ZNF34: variants seen among roughly 807,000 people sequenced by gnomAD.
ZNF34 encodes zinc finger protein 34 (KOX 32).
A neutral mutation model predicts 14.4 loss-of-function variants in ZNF34; 8 were observed. The observed-to-expected ratio is 0.55, with a 90% CI of 0.33 to 1.00. ZNF34 has a LOEUF of 1.00. Among genes scored for constraint, ZNF34 ranks in the 50% least tolerant of loss-of-function variants. The pLI is 0.03. For synonymous variants in ZNF34, 235 were observed against 247.9 expected (o/e 0.95, Z 0.49); for missense variants, 538 against 674.2 (o/e 0.80, Z 2.24).
In ZNF34 at chr8:144,774,707, C is replaced by T. The variant is rs1178086840; in HGVS notation, c.281-102G>A. 4 of 1,401,864 alleles carry T rather than the reference C, an allele frequency of 2.9e-6. No homozygotes were observed. The African/African-American group carries it at 5.8e-5, about 20-fold the overall frequency. The allele number at this position is 1,401,864 out of a possible 1,614,324, so 86.8% of individuals were successfully genotyped here. ...TGTGGGGAACCAATTTGATCATCTC[C>T]AAAGTCCCAACAGCCTTGCAAAGAT... is the stretch of plus-strand genomic sequence containing the variant. On this transcript the variant is annotated intron_variant, in intron 5 of 5. Transcript: ENST00000429371.
Position 144,778,537 on chromosome 8 carries a change from G to T in ZNF34, c.-54-12C>A. 6.4e-7 allele frequency: 1 copy of T among 1,550,958 alleles called. No homozygotes were observed. The highest frequency in any genetic ancestry group is 1.2e-5 in the South Asian group (1 of 82,394). On this transcript the variant is annotated splice_polypyrimidine_tract_variant and intron_variant, in intron 2 of 5. Transcript: ENST00000429371. Reference sequence around the variant, plus strand: ...TGGTCACTGAGGAGCTGAGGGAAGAGAACGCAACAAGTGGAGGCCCAGTCT... The same window carrying T: ...TGGTCACTGAGGAGCTGAGGGAAGATAACGCAACAAGTGGAGGCCCAGTCT...
Position 144,774,401 on chromosome 8 carries a change from C to T in ZNF34, c.485G>A (p.Arg162Lys), listed in dbSNP as rs1172237291. Residue 162 changes from arginine to lysine, a missense_variant, in exon 6 of 6, where the codon AGG becomes AAG. By Grantham distance (26) the Arg-to-Lys change is conservative (BLOSUM62 2). This residue lies in a region of ZNF34 where 431 missense variants were observed against 525.7 expected (regional missense o/e 0.82). Coordinates refer to ENST00000429371, the MANE Select transcript of ZNF34 (RefSeq NM_001286769.2). ...ATCAGGAACAGGTCTTGACAGCAAC[C>T]TGAGGTTTCCCCCAGACTCCCTGCT... ...ESSRESGGNL[R>K]LLSRPVPDQR... The T allele has an allele frequency of 2.5e-6, 4 of 1,613,774 alleles. No individual in the cohort carries two copies. The South Asian group carries it at 4.4e-5, about 18-fold the overall frequency.
chr8:144,777,466 T>C lies in ZNF34; in HGVS notation c.272A>G (p.Asn91Ser). The C allele has an allele frequency of 6.4e-7, 1 of 1,551,678 alleles. No homozygotes were observed. Among genetic ancestry groups the C allele is most frequent in the South Asian group, 1.2e-5 (1 of 84,050 alleles). The change falls in exon 5 of 6, where the codon AAC becomes AGC. Residue 91 changes from asparagine to serine, a missense_variant. Asn to Ser is a conservative substitution (Grantham distance 46, BLOSUM62 1). Transcript: ENST00000429371. This position sits in a 1 kb window ranked among gnomAD's most constrained non-coding sequence, Gnocchi z 4.8. Reference protein sequence around the residue: ...GTSGKEHLRVNSPALGTRTEY... With the variant: ...GTSGKEHLRVSSPALGTRTEY... ...CAGATCCCCTCACGCACCTGGGCTG[T>C]TGACTCTCAGGTGCTCTTTCCCAGA...
chr8:144,782,314 C>T (rs958391441), intron 1 of ZNF34, among the ~76,000 whole-genome samples: 7 of 142,114 alleles, frequency 4.9e-5, no homozygotes, highest in African/African-American at 2.1e-4. Flanking sequence ...GAGTGAGACT[C>T]CGACACAAAA....
At chr8:144,778,312 G>T in intron 3 of ZNF34, 127 bp downstream of exon 3, 1 of 1,369,728 alleles carries the variant, frequency 7.3e-7, no homozygotes, top group Non-Finnish European at 9.9e-7. Context: ...CCAAGGGGTG[G>T]CTGCATGGGG....
rs1451393698 is a variant in ZNF34 at position 144,779,654 on chromosome 8, C to T, written c.-55+574G>A. ...CAGATGGGGTTTTGCCCAGGCTGGTCTTGAACTCTTGAGCTCAAGCAATCC... is the reference window on the plus strand; with the variant it reads ...CAGATGGGGTTTTGCCCAGGCTGGTTTTGAACTCTTGAGCTCAAGCAATCC... On this transcript the variant is annotated intron_variant, in intron 2 of 5. Transcript: ENST00000429371. This position sits in a 1 kb window ranked among gnomAD's most constrained non-coding sequence, Gnocchi z 4.1. Among the ~76,000 whole-genome samples the T allele has an allele frequency of 1.3e-5, 2 of 152,070 alleles. No homozygotes were observed. The highest frequency in any genetic ancestry group is 2.9e-5 in the Non-Finnish European group (2 of 68,026).
In ZNF34 at chr8:144,777,593, G is replaced by C; in HGVS notation, c.161-16C>G. The C allele has an allele frequency of 4.5e-6, 7 of 1,550,958 alleles. No homozygotes were observed. Among genetic ancestry groups the C allele is most frequent in the Non-Finnish European group, 6.1e-6 (7 of 1,146,876 alleles). On this transcript the variant is annotated splice_polypyrimidine_tract_variant and intron_variant, in intron 4 of 5. Transcript: ENST00000429371. This position sits in a 1 kb window ranked among gnomAD's most constrained non-coding sequence, Gnocchi z 4.8. Reference sequence around the variant, plus strand: ...GGTCCTACTCCTGGGAAGGAGACAGGGACTGGGGTTGGTACCAAGGACACA... The same window carrying C: ...GGTCCTACTCCTGGGAAGGAGACAGCGACTGGGGTTGGTACCAAGGACACA...
rs1308202217 is a variant in ZNF34, at chr8:144,772,565, C to T, written c.*701G>A. 2.0e-5 allele frequency among the ~76,000 whole-genome samples: 3 copies of T among 152,126 alleles called. No homozygotes were observed. The highest frequency in any genetic ancestry group is 2.0e-4 in the Admixed American group (3 of 15,252). On this transcript the variant is annotated 3_prime_UTR_variant, in exon 6 of 6. Coordinates refer to ENST00000429371, the MANE Select transcript of ZNF34 (RefSeq NM_001286769.2). ...TTGTTTCATTTATTTTTTGAGACAG[C>T]GTCTCGCTCTGTCACCCAGGCTGGA...
intron 1 of ZNF34, among the ~76,000 whole-genome samples, chr8:144,781,550 C>G (rs954701304): frequency 1.3e-5 from 2 of 152,026 alleles, no homozygotes; most frequent in Non-Finnish European, 1.5e-5. Flanking sequence ...GCCACCATGA[C>G]CAGTCGAGAT....
Position 144,773,513 on chromosome 8 carries a change from T to G in ZNF34, c.1373A>C (p.Glu458Ala), listed in dbSNP as rs1269235815. The G allele has an allele frequency of 6.2e-7, 1 of 1,614,082 alleles. No individual in the cohort carries two copies. The highest frequency in any genetic ancestry group is 1.3e-5 in the African/African-American group (1 of 74,938). Reference protein sequence around the residue: ...HTGEKPYKCSECGKAFHNSSR... With the variant: ...HTGEKPYKCSACGKAFHNSSR... ...ACTGTTGTGGAAGGCCTTCCCACAC[T>G]CGCTGCACTTGTAGGGCTTCTCTCC... The change falls in exon 6 of 6, where the codon GAG becomes GCG. Residue 458 changes from glutamate (E) to alanine (A), a missense_variant. By Grantham distance (107) the Glu-to-Ala change is moderately radical. This residue lies in a region of ZNF34 where 101 missense variants were observed against 123.1 expected (regional missense o/e 0.82). Coordinates refer to ENST00000429371, the MANE Select transcript of ZNF34 (RefSeq NM_001286769.2). This position sits in a 1 kb window ranked among gnomAD's most constrained non-coding sequence, Gnocchi z 5.4.
chr8:144,783,820 T>C (rs1826045843), intron 1 of ZNF34, among the ~76,000 whole-genome samples: 1 of 152,238 alleles, frequency 6.6e-6, no homozygotes, highest in African/African-American at 2.4e-5. Flanking sequence ...ACATGATATC[T>C]GACCAAAATG....
At chr8:144,781,956 C>T (rs1463546990) in intron 1 of ZNF34, among the ~76,000 whole-genome samples, 4 of 152,218 alleles carry the variant, frequency 2.6e-5, no homozygotes, top group Admixed American at 1.3e-4. Context: ...GAGGCCGAGG[C>T]GGGTGGATCA....
At chr8:144,781,289 G>A (rs78531619) in intron 1 of ZNF34, among the ~76,000 whole-genome samples, 1 of 146,792 alleles carries the variant, frequency 6.8e-6, no homozygotes, top group Non-Finnish European at 1.5e-5. Context: ...TTTTTTTTTA[G>A]ACGGAGTCTT....
At chr8:144,781,547 T>TAGG (rs1254845701) in intron 1 of ZNF34, among the ~76,000 whole-genome samples, 1 of 152,060 alleles carries the variant, frequency 6.6e-6, no homozygotes, top group Non-Finnish European at 1.5e-5. Flanking sequence ...GGAGCCACCA[T>TAGG]GACCAGTCGA....
chr8:144,776,942 T>A (rs544260201), intron 5 of ZNF34, among the ~76,000 whole-genome samples: 1 of 148,006 alleles, frequency 6.8e-6, no homozygotes, highest in Admixed American at 6.7e-5. Flanking sequence ...GCAGTGTCAG[T>A]ACATAACAGT....
At position 144,776,311 on chromosome 8, in the gene ZNF34, C is replaced by CAA. The variant is rs767802287; in HGVS notation, c.280+1145_280+1146dup. On this transcript the variant is annotated intron_variant, in intron 5 of 5. Transcript: ENST00000429371. ...TGGGCAACAGAGCAAGACTCTGTCT[C>CAA]AAAAAAAAAAAAAAAGAATGGCTCA... 3.3e-3 allele frequency among the ~76,000 whole-genome samples: 386 copies of CAA among 117,218 alleles called. 2 individuals are homozygous for CAA. The highest frequency in any genetic ancestry group is 0.012 in the African/African-American group (367 of 31,826). The allele number at this position is 117,218 out of a possible 152,430, so 76.9% of individuals were successfully genotyped here.
chr8:144,776,790 T>C (rs1825546847), intron 5 of ZNF34, among the ~76,000 whole-genome samples: 1 of 151,342 alleles, frequency 6.6e-6, no homozygotes, highest in Non-Finnish European at 1.5e-5. Flanking sequence ...GACATGCCTG[T>C]GGTCCCAGCT....
Position 144,779,395 on chromosome 8 carries a change from G to A in ZNF34, c.-55+833C>T, listed in dbSNP as rs906207867. On this transcript the variant is annotated intron_variant, in intron 2 of 5. Transcript: ENST00000429371. This position sits in a 1 kb window ranked among gnomAD's most constrained non-coding sequence, Gnocchi z 4.1. ...TCCTCACCTGTCTACCCTCATGTCC[G>A]CACATCCTCACCACCTGCTTCTTTG... Among the ~76,000 whole-genome samples the A allele has an allele frequency of 2.6e-5, 4 of 152,044 alleles. No homozygotes were observed. Among genetic ancestry groups the A allele is most frequent in the Non-Finnish European group, 5.9e-5 (4 of 68,022 alleles).
In ZNF34 at chr8:144,773,539, T is replaced by A; in HGVS notation, c.1347A>T (p.Thr449=). ...THLIQHQRIH[T]GEKPYKCSEC... ...CGCTGCACTTGTAGGGCTTCTCTCC[T>A]GTGTGGATTCTCTGGTGCTGGATGA... Residue 449 remains threonine, a synonymous_variant, in exon 6 of 6, where the codon ACA becomes ACT. Transcript: ENST00000429371. The surrounding 1 kb of genome is among the most constrained non-coding windows in gnomAD (Gnocchi z 5.4). The A allele has an allele frequency of 6.2e-7, 1 of 1,613,734 alleles. No homozygotes were observed. The highest frequency in any genetic ancestry group is 8.5e-7 in the Non-Finnish European group (1 of 1,179,860).
Sources: allele counts gnomAD v4.1 joint callset (sites outside exome capture counted in the v4.1 genomes callset), GRCh38; gene constraint gnomAD v4.1.1; regional missense constraint gnomAD v4.1.1; non-coding constraint Gnocchi (gnomAD v3.1); transcripts MANE v1.5; gene names NCBI Gene and HGNC (gene_info 2026-07-23, HGNC 2026-07-21).